Variants in ZNF250 observed in about 807,000 individuals in gnomAD.
ZNF250 encodes zinc finger protein (clone 647).
ZNF250 carries 13 observed loss-of-function variants against 37.1 expected under a neutral mutation model. The observed-to-expected ratio is 0.35, with a 90% confidence interval of 0.23 to 0.56. The LOEUF is 0.56. ZNF250 is among the 20% of genes least tolerant of loss of function. ZNF250 has a pLI of 0.87. For synonymous variants in ZNF250, 251 were observed against 265.6 expected, an observed-to-expected ratio of 0.94 and a Z score of 0.54; for missense variants, 474 against 697.9, an observed-to-expected ratio of 0.68 and a Z score of 3.61.
In ZNF250 at chr8:144,890,000, C is replaced by T. The variant is rs558307315; in HGVS notation, c.102G>A (p.Leu34=). ...VLLSQDEWDR[L]CPAQRGLYRN... is the part of the protein sequence containing the mutation. ...TGTAGAGACCCCTCTGAGCAGGGCA[C>T]AGGCGGTCCCATTCATCCTGGGAGA... Residue 34 remains leucine (L), a synonymous_variant, in exon 3 of 6, where the codon CTG becomes CTA. Transcript: ENST00000417550. 1 of 1,613,332 alleles carries T rather than the reference C, an allele frequency of 6.2e-7. No individual in the cohort carries two copies. Among genetic ancestry groups the T allele is most frequent in the East Asian group, 2.2e-5 (1 of 44,878 alleles).
chr8:144,896,347 A>T (rs1196343813), intron 1 of ZNF250, among the ~76,000 whole-genome samples: 1 of 148,248 alleles, frequency 6.7e-6, no homozygotes, highest in Non-Finnish European at 1.5e-5. Flanking sequence ...TCCCTGTCTC[A>T]AAATAAATAA....
rs1831172092 is a variant in ZNF250, at chr8:144,877,071, A to G, written c.*4444T>C. 1 of 152,260 alleles carries G rather than the reference A, an allele frequency of 6.6e-6. No individual in the cohort carries two copies. Among genetic ancestry groups the G allele is most frequent in the Non-Finnish European group, 1.5e-5 (1 of 68,046 alleles). The allele number at this position is 152,260 out of a possible 1,614,324, so 9.4% of individuals were successfully genotyped here. Reference sequence around the variant, plus strand: ...AAGAGAACCAAGTTTCAAATTCTTAATAGCTGTTAGAAGAAACAATTTTAA... The same window carrying G: ...AAGAGAACCAAGTTTCAAATTCTTAGTAGCTGTTAGAAGAAACAATTTTAA... On this transcript the variant is annotated 3_prime_UTR_variant, in exon 6 of 6. Coordinates refer to ENST00000417550, the MANE Select transcript of ZNF250 (RefSeq NM_001109689.4).
At chr8:144,894,654 T>A (rs1389627193) in intron 1 of ZNF250, among the ~76,000 whole-genome samples, 1 of 151,940 alleles carries the variant, frequency 6.6e-6, no homozygotes, top group South Asian at 2.1e-4. Context: ...TGTACTTTTT[T>A]AAACTTTTAA....
chr8:144,882,801 A>G lies in ZNF250; in HGVS notation c.382T>C (p.Leu128=). Residue 128 remains leucine (L), a synonymous_variant, in exon 6 of 6, where the codon TTG becomes CTG. Transcript: ENST00000417550. The surrounding 1 kb of genome is among the most constrained non-coding windows in gnomAD (Gnocchi z 5.5). ...ETKGESQNTD[L]SPKPLISEQT... is the part of the protein sequence containing the mutation. Reference sequence around the variant, plus strand: ...TCTGAAATTAATGGCTTCGGACTCAAGTCTGTATTTTGACTCTCTCCCTTG... The same window carrying G: ...TCTGAAATTAATGGCTTCGGACTCAGGTCTGTATTTTGACTCTCTCCCTTG... 1 of 1,613,036 alleles carries G rather than the reference A, an allele frequency of 6.2e-7. No individual in the cohort carries two copies. The highest frequency in any genetic ancestry group is 8.5e-7 in the Non-Finnish European group (1 of 1,179,416).
chr8:144,887,104 G>T (rs1208983739), intron 4 of ZNF250, among the ~76,000 whole-genome samples: 1 of 151,804 alleles, frequency 6.6e-6, no homozygotes, highest in African/African-American at 2.4e-5. Flanking sequence ...ACAAAAATTA[G>T]CTGGACATGG....
rs142959158 is a variant in ZNF250 at position 144,883,641 on chromosome 8, T to C, written c.347-805A>G. 7.9e-5 allele frequency among the ~76,000 whole-genome samples: 12 copies of C among 151,734 alleles called. No homozygotes were observed. The East Asian group carries it at 2.3e-3, about 30-fold the overall frequency. ...AGGCGTGAACCATCGGACCTGGCCA[T>C]GTGGAAGATAATTTCATGTGGAGAA... On this transcript the variant is annotated intron_variant, in intron 5 of 5. Coordinates refer to ENST00000417550, the MANE Select transcript of ZNF250 (RefSeq NM_001109689.4).
chr8:144,895,031 C>A (rs114626228), intron 1 of ZNF250: 4 of 152,236 alleles, frequency 2.6e-5, no homozygotes, highest in African/African-American at 9.6e-5. Flanking sequence ...TAGCCAAGTA[C>A]GGAGTCAACA....
chr8:144,881,914 A>C lies in ZNF250; in HGVS notation c.1269T>G (p.Cys423Trp). Reference protein sequence around the residue: ...TEEKPYACYECGKAFVQHSHL... With the variant: ...TEEKPYACYEWGKAFVQHSHL... Reference sequence around the variant, plus strand: ...GTGAGTGCTGAACGAAGGCCTTCCCACATTCGTAGCATGCATAGGGCTTTT... The same window carrying C: ...GTGAGTGCTGAACGAAGGCCTTCCCCCATTCGTAGCATGCATAGGGCTTTT... Residue 423 changes from cysteine (C) to tryptophan (W), a missense_variant, in exon 6 of 6, where the codon TGT (cysteine) becomes TGG (tryptophan). By Grantham distance (215) the Cys-to-Trp change is radical. Coordinates refer to ENST00000417550, the MANE Select transcript of ZNF250 (RefSeq NM_001109689.4). 1 of 1,613,992 alleles carries C rather than the reference A, an allele frequency of 6.2e-7. No individual in the cohort carries two copies. The highest frequency in any genetic ancestry group is 8.5e-7 in the Non-Finnish European group (1 of 1,180,000).
chr8:144,890,655 A>G lies in ZNF250; in HGVS notation c.-54-252T>C, dbSNP rs1832268425. ...GCCCAGCTAGTACTGGGCTCTCTGA[A>G]CACCAGGTGCAAGGCACTTGCTGCA... On this transcript the variant is annotated intron_variant, in intron 1 of 5. Transcript: ENST00000417550. The surrounding 1 kb of genome is among the most constrained non-coding windows in gnomAD (Gnocchi z 5.1). Among the ~76,000 whole-genome samples, 1 of 151,902 alleles carries G rather than the reference A, an allele frequency of 6.6e-6. No homozygotes were observed. Among genetic ancestry groups the G allele is most frequent in the Admixed American group, 6.6e-5 (1 of 15,254 alleles).
rs1291392313 is a variant in ZNF250 at position 144,891,329 on chromosome 8, GCAC to G, written c.-54-929_-54-927del. Among the ~76,000 whole-genome samples the G allele has an allele frequency of 1.3e-5, 2 of 152,166 alleles. No homozygotes were observed. The highest frequency in any genetic ancestry group is 2.9e-5 in the Non-Finnish European group (2 of 68,030). On this transcript the variant is annotated intron_variant, in intron 1 of 5. Transcript: ENST00000417550. This position sits in a 1 kb window ranked among gnomAD's most constrained non-coding sequence, Gnocchi z 4.0. Reference sequence around the variant, plus strand: ...CCCCTCACATGCTTGGCTCAGATGGGCACCACAACAAACAGGGTGCTTTAAGAG... The same window carrying G: ...CCCCTCACATGCTTGGCTCAGATGGGCACAACAAACAGGGTGCTTTAAGAG...
Position 144,882,396 on chromosome 8 carries a change from A to G in ZNF250, c.787T>C (p.Ser263Pro), listed in dbSNP as rs1831550209. Residue 263 changes from serine to proline, a missense_variant, in exon 6 of 6, where the codon TCA becomes CCA. Physicochemically the swap from Ser to Pro is moderately conservative, Grantham distance 74. Coordinates refer to ENST00000417550, the MANE Select transcript of ZNF250 (RefSeq NM_001109689.4). The surrounding 1 kb of genome is among the most constrained non-coding windows in gnomAD (Gnocchi z 5.5). Reference sequence around the variant, plus strand: ...ATCTTGTGATGCTGAGCAAGATCTGAGCTCACTCTAAAGGCTTTTCCACAC... The same window carrying G: ...ATCTTGTGATGCTGAGCAAGATCTGGGCTCACTCTAAAGGCTTTTCCACAC... ...NECGKAFRVS[S>P]DLAQHHKIHT... 1 of 1,613,972 alleles carries G rather than the reference A, an allele frequency of 6.2e-7. No individual in the cohort carries two copies. Among genetic ancestry groups the G allele is most frequent in the Non-Finnish European group, 8.5e-7 (1 of 1,179,988 alleles).
rs367945242 is a variant in ZNF250, at chr8:144,886,958, A to G, written c.284-56T>C. ...ACAAAATACTCCCTTCAAGAGTGGA[A>G]AATCCTGGCCGGGCATGGTGGCTCA... On this transcript the variant is annotated intron_variant, in intron 4 of 5. Transcript: ENST00000417550. 142 of 1,543,404 alleles carry G rather than the reference A, an allele frequency of 9.2e-5. 1 individual carries two copies. The African/African-American group carries it at 1.6e-3, about 17-fold the overall frequency.
rs757110991 is a variant in ZNF250 at position 144,881,587 on chromosome 8, G to T, written c.1596C>A (p.Cys532Ter). Residue 532 changes from cysteine to a stop codon, truncating the protein, a stop_gained, in exon 6 of 6, where the codon TGC becomes TGA. Transcript: ENST00000417550. LOFTEE classifies it high-confidence loss of function. ...RIHTGEKPYECGECGRAFNQH... is the reference protein window; with the variant it reads ...RIHTGEKPYE ...GGTTGAAGGCACGCCCACACTCCCC[G>T]CACTCATAGGGCTTCTCGCCTGTGT... The T allele has an allele frequency of 6.2e-7, 1 of 1,613,674 alleles. No homozygotes were observed. Among genetic ancestry groups the T allele is most frequent in the Admixed American group, 1.7e-5 (1 of 59,904 alleles).
intron 4 of ZNF250, among the ~76,000 whole-genome samples, chr8:144,888,993 C>T (rs404286): frequency 1.3e-5 from 2 of 152,264 alleles, no homozygotes; most frequent in South Asian, 2.1e-4. Flanking sequence ...TGGTCTTGAT[C>T]TCCTGACCTC....
At position 144,880,740 on chromosome 8, in the gene ZNF250, T is replaced by C. The variant is rs1831412871; in HGVS notation, c.*775A>G. On this transcript the variant is annotated 3_prime_UTR_variant, in exon 6 of 6. Transcript: ENST00000417550. ...TTAGCCAGGTGTGGTGGCGCATATCTATAATCCTAGTTACTTGGGAGACTG... is the reference window on the plus strand; with the variant it reads ...TTAGCCAGGTGTGGTGGCGCATATCCATAATCCTAGTTACTTGGGAGACTG... 6.3e-6 allele frequency: 2 copies of C among 318,294 alleles called. No individual in the cohort carries two copies. Among genetic ancestry groups the C allele is most frequent in the Non-Finnish European group, 1.3e-5 (2 of 158,234 alleles). 19.7% of individuals were successfully genotyped at this position (318,294 alleles called of 1,614,324 possible). A position where few individuals can be genotyped will look rare whatever the true frequency, so the allele number is the denominator to read the frequency against.
intron 1 of ZNF250, among the ~76,000 whole-genome samples, chr8:144,895,995 C>T (rs888074652): frequency 9.1e-5 from 11 of 121,492 alleles, no homozygotes; most frequent in African/African-American, 1.4e-4. Flanking sequence ...CATAACAGAG[C>T]AAGACTCTGT....
At chr8:144,895,218 A>G (rs1832631542) in intron 1 of ZNF250, 2 of 152,228 alleles carry the variant, frequency 1.3e-5, no homozygotes. Flanking sequence ...GTCCTTCCAC[A>G]TACAAGTTAC....
Position 144,882,953 on chromosome 8 carries a change from G to T in ZNF250, c.347-117C>A. The T allele has an allele frequency of 9.0e-7, 1 of 1,112,542 alleles. No individual in the cohort carries two copies. 68.9% of individuals were successfully genotyped at this position (1,112,542 alleles called of 1,614,324 possible). Reference sequence around the variant, plus strand: ...AAAATCCCTCAATGCACACGTTGGTGTGAGCTACAGAAGAACAGAACCACC... The same window carrying T: ...AAAATCCCTCAATGCACACGTTGGTTTGAGCTACAGAAGAACAGAACCACC... On this transcript the variant is annotated intron_variant, in intron 5 of 5. Coordinates refer to ENST00000417550, the MANE Select transcript of ZNF250 (RefSeq NM_001109689.4). This position sits in a 1 kb window ranked among gnomAD's most constrained non-coding sequence, Gnocchi z 5.5.
chr8:144,895,470 G>A (rs185707167), intron 1 of ZNF250, among the ~76,000 whole-genome samples: 7 of 152,322 alleles, frequency 4.6e-5, no homozygotes, highest in Admixed American at 3.9e-4. Flanking sequence ...AGATCATGTG[G>A]TTGGTGAGAG....
Sources: gnomAD v4.1 joint callset for allele counts (sites outside exome capture counted in the v4.1 genomes callset) on GRCh38, gnomAD v4.1.1 for gene constraint, Gnocchi (gnomAD v3.1) non-coding constraint, MANE v1.5 for transcripts, NCBI Gene and HGNC (gene_info 2026-07-23, HGNC 2026-07-21) for gene names.